The following DIAPH2 variants were observed in gnomAD, a reference collection of about 807,000 sequenced individuals.
DIAPH2 encodes the protein protein diaphanous homolog 2.
Under a neutral mutation model 92.7 loss-of-function variants are expected in DIAPH2, and 35 were observed. The observed-to-expected ratio is 0.38, with a 90% CI of 0.29 to 0.50. The LOEUF (loss-of-function observed/expected upper bound fraction) is 0.50, where lower values mean the gene tolerates loss of function less well. DIAPH2 is among the 20% of genes least tolerant of loss of function. The probability of loss-of-function intolerance (pLI) is 0.94; values close to 1 mark genes in which losing one functional copy is unlikely to be tolerated. For synonymous variants in DIAPH2, 301 were observed against 280.4 expected, an observed-to-expected ratio of 1.07 and a Z score of -0.73; for missense variants, 701 against 819.5, an observed-to-expected ratio of 0.86 and a Z score of 1.77.
chrX:97,327,518 C>T (rs5920905), intron 23 of DIAPH2, among the ~76,000 whole-genome samples: 2,627 of 111,975 alleles, frequency 0.023, 28 homozygotes, highest in Middle Eastern at 0.042. Context: ...TTGCAACCTC[C>T]GCCTCCCCAG....
Position 96,962,392 on chromosome X carries a change from C to T in DIAPH2, c.1936-2701C>T, listed in dbSNP as rs181370886. ...ACATATATATATACACATATATATA[C>T]ACATATATATACACATATATATATA... On this transcript the variant is annotated intron_variant, in intron 16 of 26. Coordinates refer to ENST00000324765, the MANE Select transcript of DIAPH2 (RefSeq NM_006729.5). 6.1e-4 allele frequency among the ~76,000 whole-genome samples: 34 copies of T among 55,526 alleles called. 1 individual carries two copies. Among genetic ancestry groups the T allele is most frequent in the African/African-American group, 2.2e-3 (23 of 10,465 alleles). 48.2% of individuals were successfully genotyped at this position (55,526 alleles called of 115,157 possible).
chrX:96,865,244 T>C (rs1432417560), intron 4 of DIAPH2, among the ~76,000 whole-genome samples: 1 of 111,919 alleles, frequency 8.9e-6, no homozygotes, highest in Non-Finnish European at 1.9e-5. Flanking sequence ...AGATTTTTTA[T>C]GTGAACAATC....
intron 17 of DIAPH2, among the ~76,000 whole-genome samples, chrX:97,000,513 A>G (rs750093844): frequency 1.8e-5 from 2 of 109,567 alleles, no homozygotes; most frequent in South Asian, 8.0e-4. Flanking sequence ...CCCATGTGCC[A>G]GTAGTCCTAG....
intron 4 of DIAPH2, among the ~76,000 whole-genome samples, chrX:96,801,442 G>A (rs754871611): frequency 2.7e-5 from 3 of 111,672 alleles, no homozygotes; most frequent in Admixed American, 9.5e-5. Flanking sequence ...TAAAGATAGG[G>A]GATGTATTAA....
chrX:97,593,165 G>A (rs189025526), intron 26 of DIAPH2, among the ~76,000 whole-genome samples: 18 of 111,508 alleles, frequency 1.6e-4, no homozygotes, highest in Non-Finnish European at 2.8e-4. Context: ...TAGTTTAAAT[G>A]AAAATATGAG....
At chrX:96,891,237 T>C (rs1472923454) in intron 5 of DIAPH2, among the ~76,000 whole-genome samples, 1 of 112,422 alleles carries the variant, frequency 8.9e-6, no homozygotes, top group Non-Finnish European at 1.9e-5. Context: ...GTTTGAATCA[T>C]ATTCACAATC....
chrX:97,246,192 G>A (rs1432044539), intron 22 of DIAPH2, among the ~76,000 whole-genome samples: 1 of 110,304 alleles, frequency 9.1e-6, no homozygotes, highest in Non-Finnish European at 1.9e-5. Flanking sequence ...GGGATTACAG[G>A]TGTGAGCCAC....
chrX:97,166,124 A>C lies in DIAPH2; in HGVS notation c.2719+24330A>C, dbSNP rs747676217. Among the ~76,000 whole-genome samples the C allele has an allele frequency of 8.1e-5, 9 of 111,533 alleles. No homozygotes were observed. In the South Asian group the frequency reaches 3.0e-3, roughly 38 times the overall value. On this transcript the variant is annotated intron_variant, in intron 22 of 26. Transcript: ENST00000324765. ...TCTTAAAAAAAATACATTTATCAAA[A>C]TTTATCTTACCCTTATCAATCTCAA...
chrX:97,412,994 C>T (rs912052248), intron 25 of DIAPH2, among the ~76,000 whole-genome samples: 1 of 112,009 alleles, frequency 8.9e-6, no homozygotes, highest in African/African-American at 3.2e-5. Context: ...GAGCTGGTAC[C>T]ATTCCTTCTG....
At chrX:96,911,107 A>G (rs1334858929) in intron 5 of DIAPH2, among the ~76,000 whole-genome samples, 1 of 111,684 alleles carries the variant, frequency 9.0e-6, no homozygotes, top group Non-Finnish European at 1.9e-5. Context: ...GAGGCTGGAA[A>G]GGTAGATTGA....
chrX:97,387,659 C>G (rs1346111144), intron 25 of DIAPH2, among the ~76,000 whole-genome samples: 1 of 111,848 alleles, frequency 8.9e-6, no homozygotes, highest in Non-Finnish European at 1.9e-5. Flanking sequence ...AAAACACCCT[C>G]ACAGAAACTA....
intron 17 of DIAPH2, among the ~76,000 whole-genome samples, chrX:96,984,894 TTTAA>T (rs1418737519): frequency 9.0e-6 from 1 of 111,696 alleles, no homozygotes; most frequent in Non-Finnish European, 1.9e-5. Flanking sequence ...TATTAACCCA[TTTAA>T]TTAATTCTCA....
At chrX:96,802,445 C>T (rs1400676389) in intron 4 of DIAPH2, among the ~76,000 whole-genome samples, 2 of 112,177 alleles carry the variant, frequency 1.8e-5, no homozygotes, top group Non-Finnish European at 3.8e-5. Context: ...AAATAGAATA[C>T]TCTAGTATAC....
chrX:97,326,859 A>T (rs965072459), intron 23 of DIAPH2, among the ~76,000 whole-genome samples: 2 of 112,118 alleles, frequency 1.8e-5, no homozygotes, highest in Non-Finnish European at 3.8e-5. Context: ...GCTTTCACAT[A>T]AGAAGTCTCT....
intron 26 of DIAPH2, among the ~76,000 whole-genome samples, chrX:97,461,917 C>A (rs2070462313): frequency 9.1e-6 from 1 of 110,428 alleles, no homozygotes; most frequent in Non-Finnish European, 1.9e-5. Context: ...GTAATAATAC[C>A]CTTGGCCTGT....
intron 1 of DIAPH2, among the ~76,000 whole-genome samples, chrX:96,718,910 G>C (rs1412226014): frequency 9.0e-6 from 1 of 111,463 alleles, no homozygotes; most frequent in Non-Finnish European, 1.9e-5. Flanking sequence ...CAGTGTACGA[G>C]GAATCCCTCT....
At chrX:97,379,054 C>T (rs1239307865) in intron 24 of DIAPH2, among the ~76,000 whole-genome samples, 4 of 111,618 alleles carry the variant, frequency 3.6e-5, no homozygotes, top group South Asian at 3.8e-4. Flanking sequence ...TATATTCACG[C>T]GGGTAACCAG....
intron 23 of DIAPH2, among the ~76,000 whole-genome samples, chrX:97,303,379 GACAT>G (rs1821902209): frequency 8.9e-6 from 1 of 111,751 alleles, no homozygotes; most frequent in Non-Finnish European, 1.9e-5. Flanking sequence ...TATATTGTAA[GACAT>G]ACAGAGAGTG....
chrX:97,518,814 G>A (rs1297143552), intron 26 of DIAPH2, among the ~76,000 whole-genome samples: 1 of 110,916 alleles, frequency 9.0e-6, no homozygotes, highest in Non-Finnish European at 1.9e-5. Context: ...GATAATAGCT[G>A]CATACCTTCT....
Sources: allele counts gnomAD v4.1 joint callset (sites outside exome capture counted in the v4.1 genomes callset), GRCh38; gene constraint gnomAD v4.1.1; transcripts MANE v1.5; gene names NCBI Gene and HGNC (gene_info 2026-07-23, HGNC 2026-07-21).